ABI3BP: variants seen among roughly 807,000 people sequenced by gnomAD.
ABI3BP encodes ABI family member 3 binding protein.
In ABI3BP, 216 loss-of-function variants were observed where a neutral mutation model predicts 268.6. The observed-to-expected ratio is 0.80, with a 90% CI of 0.72 to 0.90. The LOEUF (loss-of-function observed/expected upper bound fraction) is 0.90, where lower values mean the gene tolerates loss of function less well. Among genes scored for constraint, ABI3BP ranks in the 40% least tolerant of loss-of-function variants. ABI3BP has a pLI of 0.00. For missense variants in ABI3BP, 2,090 were observed against 2,182.4 expected, an observed-to-expected ratio of 0.96 and a Z score of 0.84; for synonymous variants, 730 against 730.0, an observed-to-expected ratio of 1.00 and a Z score of 0.00.
chr3:100,792,592 A>C, intron 55 of ABI3BP, 99 bp downstream of exon 55: 18 of 1,206,824 alleles, frequency 1.5e-5, no homozygotes, highest in Non-Finnish European at 2.0e-5. Context: ...AAGTCAAGTA[A>C]TCCACTGTGT....
intron 49 of ABI3BP, 52 bp downstream of exon 49, chr3:100,810,360 G>A (rs1235952666): frequency 1.4e-6 from 2 of 1,440,806 alleles, no homozygotes; most frequent in African/African-American, 2.8e-5. Context: ...TGACCATACT[G>A]ACATTCTGCA....
At position 100,926,255 on chromosome 3, in the gene ABI3BP, C is replaced by T. The variant is rs778258881; in HGVS notation, c.259+47G>A. 3.1e-6 allele frequency: 5 copies of T among 1,588,892 alleles called. No homozygotes were observed. In the South Asian group the frequency reaches 3.3e-5, roughly 11 times the overall value. On this transcript the variant is annotated intron_variant, in intron 2 of 67. Coordinates refer to ENST00000471714, the MANE Select transcript of ABI3BP (RefSeq NM_001375547.2). ...ATTTGTAGGTCATGTTACACCCCCC[C>T]ACCTCTTACCTCCTTTCCTTCCCAG... is the stretch of plus-strand genomic sequence containing the variant.
At chr3:100,902,735 T>A (rs78181063) in intron 2 of ABI3BP, 49 bp from the exon 3 acceptor site, 2 of 1,514,908 alleles carry the variant, frequency 1.3e-6, no homozygotes, top group Non-Finnish European at 1.8e-6. Context: ...AGAACCAGCA[T>A]TGGAGGCAGC....
chr3:100,957,800 G>A lies in ABI3BP; in HGVS notation c.80-31319C>T, dbSNP rs752981673. On this transcript the variant is annotated intron_variant, in intron 1 of 67. Transcript: ENST00000471714. Reference sequence around the variant, plus strand: ...GCCTGCTCACAGCTCAGCTCCTGATGCAGGGAAATTGTGAGGTACTTAGTG... The same window carrying A: ...GCCTGCTCACAGCTCAGCTCCTGATACAGGGAAATTGTGAGGTACTTAGTG... 3.9e-5 allele frequency among the ~76,000 whole-genome samples: 6 copies of A among 152,340 alleles called. No individual in the cohort carries two copies. The South Asian group carries it at 6.2e-4, about 16-fold the overall frequency.
intron 1 of ABI3BP, among the ~76,000 whole-genome samples, chr3:100,953,439 G>A (rs1331744003): frequency 1.3e-5 from 2 of 152,156 alleles, no homozygotes; most frequent in Non-Finnish European, 2.9e-5. Flanking sequence ...TAGCGTGTAT[G>A]CAAAAATGAG....
intron 2 of ABI3BP, among the ~76,000 whole-genome samples, chr3:100,920,695 A>C (rs1180152584): frequency 6.6e-6 from 1 of 152,224 alleles, no homozygotes; most frequent in Non-Finnish European, 1.5e-5. Flanking sequence ...TGCTGGGATT[A>C]CAGGCATGAG....
chr3:100,767,985 A>G (rs2096362552), intron 62 of ABI3BP, among the ~76,000 whole-genome samples: 1 of 152,102 alleles, frequency 6.6e-6, no homozygotes, highest in Non-Finnish European at 1.5e-5. Flanking sequence ...TTGGCTTGGG[A>G]CATTCCTCAA....
At chr3:100,873,912 A>G (rs1581435163) in intron 9 of ABI3BP, among the ~76,000 whole-genome samples, 1 of 152,192 alleles carries the variant, frequency 6.6e-6, no homozygotes, top group East Asian at 1.9e-4. Flanking sequence ...TTATCCATAC[A>G]ATGTGCTGAT....
intron 52 of ABI3BP, among the ~76,000 whole-genome samples, chr3:100,796,109 C>A (rs1230492291): frequency 9.9e-5 from 15 of 151,932 alleles, no homozygotes; most frequent in Non-Finnish European, 1.5e-5. Flanking sequence ...AAAGTACATC[C>A]ATAGTTGTAA....
chr3:100,851,915 AG>A lies in ABI3BP; in HGVS notation c.1310del (p.Pro437LeufsTer123). The part of the protein sequence containing the change: ...QTATYDVFSS[P>X]TTSDEPEISD... The stretch of plus-strand genomic sequence containing the variant: ...ATATCTCAGGCTCATCTGATGTTGT[AG>A]GGCTTGAGAAAACATCATAAGTTGC... On this transcript the variant is annotated frameshift_variant, in exon 15 of 68. Coordinates refer to ENST00000471714, the MANE Select transcript of ABI3BP (RefSeq NM_001375547.2). LOFTEE classifies it high-confidence loss of function. 2 of 1,564,100 alleles carry A rather than the reference AG, an allele frequency of 1.3e-6. No homozygotes were observed. The highest frequency in any genetic ancestry group is 1.2e-5 in the South Asian group (1 of 85,336).
chr3:100,869,492 A>G (rs2099089987), intron 9 of ABI3BP, among the ~76,000 whole-genome samples: 1 of 151,656 alleles, frequency 6.6e-6, no homozygotes, highest in African/African-American at 2.4e-5. Flanking sequence ...AGCTGGGACT[A>G]TAAGCACGTG....
At chr3:100,893,148 T>A (rs1288494346) in intron 4 of ABI3BP, among the ~76,000 whole-genome samples, 1 of 152,184 alleles carries the variant, frequency 6.6e-6, no homozygotes, top group Non-Finnish European at 1.5e-5. Flanking sequence ...TGCTGGATGC[T>A]TCCTCCCCTC....
At chr3:100,794,785 G>GT in intron 54 of ABI3BP, 138 bp downstream of exon 54, 1 of 645,554 alleles carries the variant, frequency 1.5e-6, no homozygotes, top group Non-Finnish European at 2.7e-6. Context: ...CACAGTTAAT[G>GT]TAAAAGTATT....
In ABI3BP at chr3:100,892,550, A is replaced by T. The variant is rs144277152; in HGVS notation, c.461+6212T>A. Among the ~76,000 whole-genome samples, 377 of 152,330 alleles carry T rather than the reference A, an allele frequency of 2.5e-3. 3 individuals are homozygous for T. The highest frequency in any genetic ancestry group is 8.4e-3 in the African/African-American group (350 of 41,576). ...AAATATTCCATGGACAACTGAAAACATATTCTTAGTAATTTGTAAATGGGC... is the reference window on the plus strand; with the variant it reads ...AAATATTCCATGGACAACTGAAAACTTATTCTTAGTAATTTGTAAATGGGC... On this transcript the variant is annotated intron_variant, in intron 4 of 67. Transcript: ENST00000471714.
At chr3:100,756,779 T>TG (rs2095642712) in intron 63 of ABI3BP, among the ~76,000 whole-genome samples, 1 of 146,396 alleles carries the variant, frequency 6.8e-6, no homozygotes, top group Non-Finnish European at 1.5e-5. Flanking sequence ...TTTTTGGGTT[T>TG]TTTTTTTTTT....
intron 14 of ABI3BP, among the ~76,000 whole-genome samples, chr3:100,855,130 G>A (rs2098925829): frequency 6.6e-6 from 1 of 152,138 alleles, no homozygotes; most frequent in Non-Finnish European, 1.5e-5. Flanking sequence ...GTTTCATCAT[G>A]TTGGCCAGGC....
chr3:100,926,494 A>T lies in ABI3BP; in HGVS notation c.80-13T>A. Reference sequence around the variant, plus strand: ...TTTGGCCTTTTACCTAACAATGGGAATGAAAACATCGATGGCTGTTACTTC... The same window carrying T: ...TTTGGCCTTTTACCTAACAATGGGATTGAAAACATCGATGGCTGTTACTTC... On this transcript the variant is annotated splice_polypyrimidine_tract_variant and intron_variant, in intron 1 of 67. Coordinates refer to ENST00000471714, the MANE Select transcript of ABI3BP (RefSeq NM_001375547.2). 2 of 1,609,326 alleles carry T rather than the reference A, an allele frequency of 1.2e-6. No individual in the cohort carries two copies. The highest frequency in any genetic ancestry group is 1.1e-5 in the South Asian group (1 of 90,914).
chr3:100,975,413 T>G (rs990222236), intron 1 of ABI3BP, among the ~76,000 whole-genome samples: 1 of 152,052 alleles, frequency 6.6e-6, no homozygotes, highest in African/African-American at 2.4e-5. Context: ...TTGGGGGAGA[T>G]GGGCTGCTAA....
At chr3:100,939,145 C>T (rs2067673724) in intron 1 of ABI3BP, among the ~76,000 whole-genome samples, 2 of 151,996 alleles carry the variant, frequency 1.3e-5, no homozygotes, top group Admixed American at 6.6e-5. Context: ...CACTGTCTTC[C>T]CAACTCTTTG....
Sources: gnomAD v4.1 joint callset for allele counts (sites outside exome capture counted in the v4.1 genomes callset) on GRCh38, gnomAD v4.1.1 for gene constraint, MANE v1.5 for transcripts, NCBI Gene and HGNC (gene_info 2026-07-23, HGNC 2026-07-21) for gene names.